GPC6: variants seen among roughly 807,000 people sequenced by gnomAD.
GPC6 encodes the protein glypican 6.
Under a neutral mutation model 55.2 loss-of-function variants are expected in GPC6, and 14 were observed. That is an observed-to-expected ratio of 0.25 (90% CI 0.17 to 0.40). The LOEUF (loss-of-function observed/expected upper bound fraction) is 0.40. Ranked by LOEUF, GPC6 falls within the 10% of genes least tolerant of loss-of-function variation. GPC6 has a pLI of 1.00. For synonymous variants in GPC6, 278 were observed against 259.6 expected (o/e 1.07, Z -0.68); for missense variants, 641 against 708.5 (o/e 0.90, Z 1.08).
At chr13:93,585,447 A>G (rs1458919579) in intron 2 of GPC6, among the ~76,000 whole-genome samples, 1 of 152,196 alleles carries the variant, frequency 6.6e-6, no homozygotes, top group Non-Finnish European at 1.5e-5. Context: ...TTGACCTACC[A>G]TTTCAGTAGA....
chr13:93,636,196 T>C (rs2139578762), intron 2 of GPC6, among the ~76,000 whole-genome samples: 1 of 152,288 alleles, frequency 6.6e-6, no homozygotes, highest in South Asian at 2.1e-4. Flanking sequence ...AACAAGCTAA[T>C]ATAAGATTTT....
At chr13:93,937,378 C>A (rs535498667) in intron 3 of GPC6, among the ~76,000 whole-genome samples, 10 of 152,236 alleles carry the variant, frequency 6.6e-5, no homozygotes, top group Non-Finnish European at 1.3e-4. Context: ...TGGCAGTGGA[C>A]TTTTGTCAGT....
At chr13:93,281,473 C>T (rs1877947176) in intron 1 of GPC6, among the ~76,000 whole-genome samples, 1 of 152,150 alleles carries the variant, frequency 6.6e-6, no homozygotes, top group Admixed American at 6.5e-5. Flanking sequence ...TGTAATAGCT[C>T]AGTGTTAAAT....
At chr13:94,307,430 C>T (rs527781816) in intron 6 of GPC6, among the ~76,000 whole-genome samples, 3 of 152,228 alleles carry the variant, frequency 2.0e-5, no homozygotes, top group African/African-American at 7.2e-5. Context: ...GATCCTCCTA[C>T]CTTAGCTTAC....
intron 4 of GPC6, among the ~76,000 whole-genome samples, chr13:94,084,823 A>G (rs1388432276): frequency 2.0e-5 from 3 of 152,224 alleles, no homozygotes; most frequent in East Asian, 3.8e-4. Context: ...TCACTTGAAG[A>G]TGCTATGTTG....
At chr13:93,486,923 G>A (rs1879735789) in intron 1 of GPC6, among the ~76,000 whole-genome samples, 1 of 145,722 alleles carries the variant, frequency 6.9e-6, no homozygotes, top group Admixed American at 7.0e-5. Context: ...CCAGCCTGGC[G>A]ACAGAGCGAG....
intron 2 of GPC6, among the ~76,000 whole-genome samples, chr13:93,827,024 C>T (rs1287553094): frequency 1.3e-5 from 2 of 152,070 alleles, no homozygotes; most frequent in Non-Finnish European, 2.9e-5. Flanking sequence ...TTTTTGTGCA[C>T]CTATGAAGCG....
rs538041767 is a variant in GPC6 at position 93,566,588 on chromosome 13, T to C, written c.319+21167T>C. 8.5e-5 allele frequency among the ~76,000 whole-genome samples: 13 copies of C among 152,224 alleles called. No individual in the cohort carries two copies. In the South Asian group the frequency reaches 2.5e-3, roughly 29 times the overall value. ...TTTTTTTCTTTTTGTTATTATACTT[T>C]AATTTCAGGGATACATGTGCAGAAC... On this transcript the variant is annotated intron_variant, in intron 2 of 8. Transcript: ENST00000377047.
intron 4 of GPC6, among the ~76,000 whole-genome samples, chr13:94,073,964 G>A (rs72645921): frequency 0.017 from 2,515 of 152,184 alleles, 63 homozygotes; most frequent in Non-Finnish European, 0.018. Flanking sequence ...CGATAATATC[G>A]TTTAAAAATG....
At chr13:93,917,873 C>T (rs996844593) in intron 3 of GPC6, among the ~76,000 whole-genome samples, 19 of 152,174 alleles carry the variant, frequency 1.2e-4, no homozygotes, top group Non-Finnish European at 1.8e-4. Flanking sequence ...CTGAGGTGGG[C>T]GGATCACAAG....
chr13:94,271,371 C>T (rs1476030063), intron 4 of GPC6, among the ~76,000 whole-genome samples: 55 of 98,308 alleles, frequency 5.6e-4, no homozygotes, highest in Middle Eastern at 8.5e-3. Flanking sequence ...CACACACGCG[C>T]GCGCGCGCGC....
intron 2 of GPC6, among the ~76,000 whole-genome samples, chr13:93,668,319 C>T (rs1881225805): frequency 6.6e-6 from 1 of 152,116 alleles, no homozygotes; most frequent in Non-Finnish European, 1.5e-5. Flanking sequence ...TAAAAAGTTG[C>T]CACTTAAACT....
chr13:93,265,749 A>G (rs529435255), intron 1 of GPC6, among the ~76,000 whole-genome samples: 1 of 152,262 alleles, frequency 6.6e-6, no homozygotes, highest in African/African-American at 2.4e-5. Context: ...TTGGCCCACA[A>G]GAGCCAACTG....
At chr13:93,489,179 T>C (rs2139352792) in intron 1 of GPC6, among the ~76,000 whole-genome samples, 1 of 151,686 alleles carries the variant, frequency 6.6e-6, no homozygotes, top group Non-Finnish European at 1.5e-5. Flanking sequence ...AGTTTCAGCT[T>C]TCTACATATG....
At chr13:93,431,016 T>G (rs1877336712) in intron 1 of GPC6, among the ~76,000 whole-genome samples, 1 of 151,878 alleles carries the variant, frequency 6.6e-6, no homozygotes, top group Admixed American at 6.6e-5. Flanking sequence ...ATTCTACCAT[T>G]ACGTGTTTGG....
chr13:94,364,739 A>AGT (rs1178961189), intron 6 of GPC6, among the ~76,000 whole-genome samples: 1 of 152,002 alleles, frequency 6.6e-6, no homozygotes, highest in Non-Finnish European at 1.5e-5. Flanking sequence ...ATACGAATCA[A>AGT]GTGTGTGTGC....
chr13:93,328,393 G>T (rs190300422), intron 1 of GPC6, among the ~76,000 whole-genome samples: 19 of 152,238 alleles, frequency 1.2e-4, no homozygotes, highest in Non-Finnish European at 2.9e-5. Context: ...GTCACTCAGG[G>T]CTGGGTGCTG....
At chr13:93,963,988 T>C (rs945199399) in intron 3 of GPC6, among the ~76,000 whole-genome samples, 3 of 152,192 alleles carry the variant, frequency 2.0e-5, no homozygotes, top group Admixed American at 2.0e-4. Context: ...TTTTTCATCC[T>C]TTCTAATGAC....
At chr13:94,107,708 C>G (rs1380176432) in intron 4 of GPC6, among the ~76,000 whole-genome samples, 2 of 151,190 alleles carry the variant, frequency 1.3e-5, no homozygotes, top group Non-Finnish European at 2.9e-5. Flanking sequence ...ACAAACAATC[C>G]CATCAAAAAA....
Sources: gnomAD v4.1 joint callset for allele counts (sites outside exome capture counted in the v4.1 genomes callset) on GRCh38, gnomAD v4.1.1 for gene constraint, MANE v1.5 for transcripts, NCBI Gene and HGNC (gene_info 2026-07-23, HGNC 2026-07-21) for gene names.